Variants in ZNF507 observed in about 807,000 individuals in gnomAD.
ZNF507 encodes zinc finger protein 507.
Under a neutral mutation model 80.0 loss-of-function variants are expected in ZNF507, and 29 were observed. The ratio of observed to expected loss-of-function variants is 0.36; its 90% CI spans 0.27 to 0.49. The LOEUF is 0.49. Ranked by LOEUF, ZNF507 falls within the 20% of genes least tolerant of loss-of-function variation. ZNF507 has a pLI of 0.98. For synonymous variants in ZNF507, 462 were observed against 422.5 expected (o/e 1.09, Z -1.15); for missense variants, 1,081 against 1,152.2 (o/e 0.94, Z 0.90).
chr19:32,365,111 CAT>C (rs1327394308), intron 5 of ZNF507, among the ~76,000 whole-genome samples: 4 of 152,216 alleles, frequency 2.6e-5, no homozygotes, highest in Non-Finnish European at 2.9e-5. Flanking sequence ...ATGATTTTTT[CAT>C]ATGTTTGTTG....
At position 32,353,443 on chromosome 19, in the gene ZNF507, A is replaced by G. The variant is rs749982749; in HGVS notation, c.613A>G (p.Thr205Ala). 6.2e-6 allele frequency: 10 copies of G among 1,614,092 alleles called. No homozygotes were observed. The highest frequency in any genetic ancestry group is 8.5e-6 in the Non-Finnish European group (10 of 1,180,050). ...SPSSSLCRKT[T>A]ERNETIPDIP... ...CTCCAGCTCTTTGTGTCGGAAAACC[A>G]CAGAAAGAAATGAAACCATTCCAGA... Residue 205 changes from threonine to alanine, a missense_variant, in exon 3 of 7, where the codon ACA (threonine) becomes GCA (alanine). Around this residue, in one of 6 missense-constraint regions of ZNF507, gnomAD observed 275 missense variants for 303.9 expected, o/e 0.90. Transcript: ENST00000355898.
rs958269848 is a variant in ZNF507 at position 32,376,986 on chromosome 19, G to A, written c.2361-5481G>A. Reference sequence around the variant, plus strand: ...GACTTTTAGTACTTTCACTAATTTTGCTACTGTTAACTAAAAGGCAGAGCC... The same window carrying A: ...GACTTTTAGTACTTTCACTAATTTTACTACTGTTAACTAAAAGGCAGAGCC... On this transcript the variant is annotated intron_variant, in intron 5 of 6. Coordinates refer to ENST00000355898, the MANE Select transcript of ZNF507 (RefSeq NM_001136156.2). Among the ~76,000 whole-genome samples the A allele has an allele frequency of 3.3e-5, 5 of 152,184 alleles. No homozygotes were observed. The East Asian group carries it at 9.7e-4, about 29-fold the overall frequency.
At chr19:32,350,863 C>A (rs573224478) in intron 2 of ZNF507, among the ~76,000 whole-genome samples, 10 of 152,350 alleles carry the variant, frequency 6.6e-5, no homozygotes, top group African/African-American at 2.4e-4. Context: ...TTAAGTTAAT[C>A]ACCTTAAAGG....
At chr19:32,366,081 C>T (rs1439250074) in intron 5 of ZNF507, among the ~76,000 whole-genome samples, 1 of 152,020 alleles carries the variant, frequency 6.6e-6, no homozygotes, top group Non-Finnish European at 1.5e-5. Context: ...TCCAAAAATA[C>T]CCATTTTCCC....
At chr19:32,364,412 G>A (rs138176496) in intron 5 of ZNF507, among the ~76,000 whole-genome samples, 1 of 152,058 alleles carries the variant, frequency 6.6e-6, no homozygotes, top group Non-Finnish European at 1.5e-5. Flanking sequence ...GTGGTAATTT[G>A]TGAGAACCTG....
chr19:32,374,293 A>G (rs946003581), intron 5 of ZNF507, among the ~76,000 whole-genome samples: 1 of 151,966 alleles, frequency 6.6e-6, no homozygotes. Context: ...GCATTTTGCT[A>G]GCATTTTAAT....
In ZNF507 at chr19:32,386,745, C is replaced by T. The variant is rs1464397128; in HGVS notation, c.*3662C>T. 2 of 152,558 alleles carry T rather than the reference C, an allele frequency of 1.3e-5. No individual in the cohort carries two copies. The highest frequency in any genetic ancestry group is 4.8e-5 in the African/African-American group (2 of 41,416). 9.5% of individuals were successfully genotyped at this position (152,558 alleles called of 1,614,324 possible). ...AGGTCTGTAGTGCTTCTTTAACTAC[C>T]TTTGGAAATACTGTACAATGTTAGA... On this transcript the variant is annotated 3_prime_UTR_variant, in exon 7 of 7. Coordinates refer to ENST00000355898, the MANE Select transcript of ZNF507 (RefSeq NM_001136156.2).
rs374312556 is a variant in ZNF507 at position 32,353,521 on chromosome 19, G to A, written c.691G>A (p.Val231Met). The A allele has an allele frequency of 4.3e-6, 7 of 1,614,226 alleles. No homozygotes were observed. Among genetic ancestry groups the A allele is most frequent in the Non-Finnish European group, 5.1e-6 (6 of 1,180,038 alleles). The part of the protein sequence containing the change: ...LQTHTVQTAS[V>M]AEMGRRKWYA... Reference sequence around the variant, plus strand: ...GACTCATACTGTCCAAACTGCATCTGTGGCAGAAATGGGTAGGAGGAAATG... The same window carrying A: ...GACTCATACTGTCCAAACTGCATCTATGGCAGAAATGGGTAGGAGGAAATG... Residue 231 changes from valine (V) to methionine (M), a missense_variant, in exon 3 of 7, where the codon GTG (valine) becomes ATG (methionine). Val to Met is a conservative substitution (Grantham distance 21, BLOSUM62 1). Coordinates refer to ENST00000355898, the MANE Select transcript of ZNF507 (RefSeq NM_001136156.2).
rs572905037 is a variant in ZNF507, at chr19:32,364,674, T to G, written c.2360+4056T>G. Among the ~76,000 whole-genome samples, 13 of 152,344 alleles carry G rather than the reference T, an allele frequency of 8.5e-5. No homozygotes were observed. In the East Asian group the frequency reaches 2.5e-3, roughly 29 times the overall value. On this transcript the variant is annotated intron_variant, in intron 5 of 6. Transcript: ENST00000355898. Reference sequence around the variant, plus strand: ...TGCAAATGCTGTTAATTCATTCCTTTTTATGGCTGAGTAGTATTCAATCAT... The same window carrying G: ...TGCAAATGCTGTTAATTCATTCCTTGTTATGGCTGAGTAGTATTCAATCAT...
chr19:32,353,262 T>C lies in ZNF507; in HGVS notation c.432T>C (p.Ile144=). Residue 144 remains isoleucine (I), a synonymous_variant, in exon 3 of 7, where the codon ATT becomes ATC. Coordinates refer to ENST00000355898, the MANE Select transcript of ZNF507 (RefSeq NM_001136156.2). ...SSSFSVLKDH[I]KQHGQQNEVI... is the part of the protein sequence containing the mutation. ...CCTTTTCCGTGTTAAAAGATCATAT[T>C]AAGCAACATGGTCAGCAAAATGAAG... The C allele has an allele frequency of 6.2e-7, 1 of 1,614,246 alleles. No individual in the cohort carries two copies.
intron 5 of ZNF507, among the ~76,000 whole-genome samples, chr19:32,378,649 TTA>T (rs199900166): frequency 0.28 from 34,047 of 122,344 alleles, 4,262 homozygotes; most frequent in East Asian, 0.46. Flanking sequence ...CTTTTTTTTT[TTA>T]AAAAAAAAAG....
chr19:32,367,577 T>TA (rs1372973406), intron 5 of ZNF507, among the ~76,000 whole-genome samples: 3 of 152,234 alleles, frequency 2.0e-5, no homozygotes, highest in Non-Finnish European at 4.4e-5. Flanking sequence ...TTTGTGTTCT[T>TA]ATATTCTGAA....
chr19:32,360,637 G>T lies in ZNF507; in HGVS notation c.2360+19G>T. ...CGTACAGGTAAGTGTTATGATTCTA[G>T]AATTTTAATGTTTGTATTAAAATAT... On this transcript the variant is annotated intron_variant, in intron 5 of 6. Coordinates refer to ENST00000355898, the MANE Select transcript of ZNF507 (RefSeq NM_001136156.2). 3.0e-6 allele frequency: 4 copies of T among 1,330,018 alleles called. No homozygotes were observed. Among genetic ancestry groups the T allele is most frequent in the South Asian group, 1.6e-5 (1 of 61,064 alleles). 82.4% of individuals were successfully genotyped at this position (1,330,018 alleles called of 1,614,324 possible).
intron 5 of ZNF507, among the ~76,000 whole-genome samples, chr19:32,381,810 T>C (rs116860787): frequency 0.061 from 9,336 of 152,300 alleles, 534 homozygotes; most frequent in Admixed American, 0.2. Flanking sequence ...CTCAGTTCTA[T>C]CTGACCAGTT....
At position 32,354,814 on chromosome 19, in the gene ZNF507, G is replaced by A. The variant is rs991881070; in HGVS notation, c.1984G>A (p.Val662Ile). ...NKGYIKQHLRVHRQRQPYQCP... is the reference protein window; with the variant it reads ...NKGYIKQHLRIHRQRQPYQCP... Reference sequence around the variant, plus strand: ...GGGCTACATCAAGCAGCACTTACGAGTCCATCGACAGAGACAGCCTTATCA... The same window carrying A: ...GGGCTACATCAAGCAGCACTTACGAATCCATCGACAGAGACAGCCTTATCA... Residue 662 changes from valine (V) to isoleucine (I), a missense_variant, in exon 3 of 7, where the codon GTC (valine) becomes ATC (isoleucine). Val to Ile is a conservative substitution (Grantham distance 29). Coordinates refer to ENST00000355898, the MANE Select transcript of ZNF507 (RefSeq NM_001136156.2). 11 of 1,614,062 alleles carry A rather than the reference G, an allele frequency of 6.8e-6. No individual in the cohort carries two copies. Among genetic ancestry groups the A allele is most frequent in the Non-Finnish European group, 9.3e-6 (11 of 1,180,046 alleles).
chr19:32,376,779 A>G (rs939689712), intron 5 of ZNF507, among the ~76,000 whole-genome samples: 3 of 152,174 alleles, frequency 2.0e-5, no homozygotes, highest in Non-Finnish European at 2.9e-5. Flanking sequence ...GGCTGCGCTG[A>G]TATTTATTGG....
chr19:32,368,503 A>G (rs1967428685), intron 5 of ZNF507, among the ~76,000 whole-genome samples: 2 of 152,220 alleles, frequency 1.3e-5, no homozygotes, highest in African/African-American at 2.4e-5. Context: ...TAACCTTGGC[A>G]GTCACAGCCC....
At chr19:32,349,347 A>G (rs949100076) in intron 2 of ZNF507, among the ~76,000 whole-genome samples, 11 of 152,168 alleles carry the variant, frequency 7.2e-5, no homozygotes, top group African/African-American at 2.7e-4. Context: ...GGGCAAATGG[A>G]TGATGTCTGG....
At chr19:32,363,058 G>A (rs1395782250) in intron 5 of ZNF507, among the ~76,000 whole-genome samples, 1 of 152,136 alleles carries the variant, frequency 6.6e-6, no homozygotes, top group Non-Finnish European at 1.5e-5. Flanking sequence ...GTCCTATACT[G>A]TGTGCTTTAA....
Sources: allele counts gnomAD v4.1 joint callset (sites outside exome capture counted in the v4.1 genomes callset), GRCh38; gene constraint gnomAD v4.1.1; regional missense constraint gnomAD v4.1.1; transcripts MANE v1.5; gene names NCBI Gene and HGNC (gene_info 2026-07-23, HGNC 2026-07-21).